The following USP32 variants were observed in gnomAD, a reference collection of about 807,000 sequenced individuals.
USP32 encodes the protein ubiquitin specific peptidase 32, also known as ubiquitin carboxyl-terminal hydrolase 32.
In USP32, 59 loss-of-function variants were observed where a neutral mutation model predicts 204.8. That is an observed-to-expected ratio of 0.29 (90% CI 0.23 to 0.36). USP32 has a LOEUF of 0.36. USP32 is among the 10% of genes least tolerant of loss of function. The probability of loss-of-function intolerance (pLI) is 1.00; values close to 1 mark genes in which losing one functional copy is unlikely to be tolerated. For synonymous variants in USP32, 517 were observed against 678.4 expected (o/e 0.76, Z 3.70); for missense variants, 1,160 against 1,946.4 (o/e 0.60, Z 7.60).
chr17:60,361,832 G>A (rs2089213346), intron 1 of USP32, among the ~76,000 whole-genome samples: 1 of 152,066 alleles, frequency 6.6e-6, no homozygotes, highest in Non-Finnish European at 1.5e-5. Flanking sequence ...GTAATTCAAA[G>A]TAGAAAACAG....
At chr17:60,296,234 C>T (rs1297182773) in intron 3 of USP32, among the ~76,000 whole-genome samples, 1 of 152,108 alleles carries the variant, frequency 6.6e-6, no homozygotes, top group Non-Finnish European at 1.5e-5. Context: ...CTTTATCCCC[C>T]TAAAGATATA....
At chr17:60,234,623 G>A (rs1315507850) in intron 12 of USP32, among the ~76,000 whole-genome samples, 3 of 151,522 alleles carry the variant, frequency 2.0e-5, no homozygotes, top group Non-Finnish European at 4.4e-5. Flanking sequence ...CCAGCTACTC[G>A]GGAGGCTGAG....
At chr17:60,344,427 CAT>C (rs2088735840) in intron 2 of USP32, among the ~76,000 whole-genome samples, 1 of 152,032 alleles carries the variant, frequency 6.6e-6, no homozygotes, top group African/African-American at 2.4e-5. Flanking sequence ...CTTGCCCAGC[CAT>C]AGTTTTTATT....
chr17:60,249,928 G>T (rs2086125190), intron 11 of USP32, among the ~76,000 whole-genome samples: 1 of 143,504 alleles, frequency 7.0e-6, no homozygotes, highest in Non-Finnish European at 1.6e-5. Context: ...GAACCAACCT[G>T]AATCATCCTT....
intron 1 of USP32, among the ~76,000 whole-genome samples, chr17:60,384,402 T>G (rs1159231864): frequency 6.6e-6 from 1 of 152,164 alleles, no homozygotes; most frequent in Non-Finnish European, 1.5e-5. Context: ...TAGTTTTGCT[T>G]TTAATGCGGT....
chr17:60,270,030 T>C (rs535922235), intron 6 of USP32, among the ~76,000 whole-genome samples: 1 of 152,208 alleles, frequency 6.6e-6, no homozygotes, highest in Non-Finnish European at 1.5e-5. Flanking sequence ...CAAAGGAAGA[T>C]ACACTATGCA....
chr17:60,385,838 C>CA (rs113759758), intron 1 of USP32, among the ~76,000 whole-genome samples: 214 of 99,168 alleles, frequency 2.2e-3, no homozygotes, highest in South Asian at 3.7e-3. Context: ...GACTCTGTCT[C>CA]AAAAAAAAAA....
chr17:60,280,662 C>T (rs965409207), intron 5 of USP32, among the ~76,000 whole-genome samples: 4 of 152,202 alleles, frequency 2.6e-5, no homozygotes, highest in Admixed American at 2.0e-4. Flanking sequence ...AATGGAGTCA[C>T]TGATGCTTTA....
chr17:60,251,589 T>C (rs1358009959), intron 11 of USP32, among the ~76,000 whole-genome samples: 1 of 152,018 alleles, frequency 6.6e-6, no homozygotes, highest in African/African-American at 2.4e-5. Context: ...TTTCTGAAAC[T>C]ATCTACACAA....
At chr17:60,379,536 A>G (rs558762526) in intron 1 of USP32, among the ~76,000 whole-genome samples, 3 of 152,270 alleles carry the variant, frequency 2.0e-5, no homozygotes, top group African/African-American at 7.2e-5. Flanking sequence ...AAATTCTCAA[A>G]CTGACACAAA....
chr17:60,215,966 C>G (rs1461291824), intron 16 of USP32, among the ~76,000 whole-genome samples: 1 of 152,076 alleles, frequency 6.6e-6, no homozygotes, highest in African/African-American at 2.4e-5. Context: ...CCCCAAAGTT[C>G]TGGGATTACA....
At chr17:60,402,819 G>C (rs1015477913) in intron 1 of USP32, among the ~76,000 whole-genome samples, 1 of 152,166 alleles carries the variant, frequency 6.6e-6, no homozygotes, top group Non-Finnish European at 1.5e-5. Context: ...CTAGGGACTG[G>C]AATCCTCTGA....
At chr17:60,378,343 G>A (rs990755413) in intron 1 of USP32, among the ~76,000 whole-genome samples, 1 of 152,152 alleles carries the variant, frequency 6.6e-6, no homozygotes, top group Non-Finnish European at 1.5e-5. Context: ...GTGCATTGCT[G>A]GTGGAAATAT....
At chr17:60,400,217 G>A (rs984026549) in intron 1 of USP32, among the ~76,000 whole-genome samples, 3 of 152,048 alleles carry the variant, frequency 2.0e-5, no homozygotes, top group East Asian at 1.9e-4. Flanking sequence ...CACCTGCCTC[G>A]GCCTCCAGAA....
At chr17:60,203,709 T>C (rs1214625712) in intron 26 of USP32, among the ~76,000 whole-genome samples, 1 of 152,108 alleles carries the variant, frequency 6.6e-6, no homozygotes, top group Non-Finnish European at 1.5e-5. Context: ...CCTGAGTAGC[T>C]AGGACTACCG....
At position 60,214,636 on chromosome 17, in the gene USP32, C is replaced by T; in HGVS notation, c.2006G>A (p.Trp669Ter). Residue 669 changes from tryptophan (W) to a stop codon, truncating the protein, a stop_gained, in exon 17 of 34, where the codon TGG (tryptophan) becomes TAG (stop). Transcript: ENST00000300896. LOFTEE classifies it high-confidence loss of function. ...GCCTCTTACCTCACTGTTGTATAGC[C>T]ACAGGCGCATATCTTCCTCTTTAAT... is the stretch of plus-strand genomic sequence containing the variant. Reference protein sequence around the residue: ...LRIKEEDMRLWLYNSENYLTL... With the variant: ...LRIKEEDMRL 1 of 1,613,490 alleles carries T rather than the reference C, an allele frequency of 6.2e-7. No individual in the cohort carries two copies. Among genetic ancestry groups the T allele is most frequent in the Non-Finnish European group, 8.5e-7 (1 of 1,179,572 alleles).
intron 1 of USP32, among the ~76,000 whole-genome samples, chr17:60,411,283 G>A (rs1007391263): frequency 2.6e-5 from 4 of 151,272 alleles, no homozygotes; most frequent in East Asian, 2.0e-4. Flanking sequence ...GAGATTGCCC[G>A]ATTGCACTCC....
intron 5 of USP32, among the ~76,000 whole-genome samples, chr17:60,277,968 G>T (rs1219196167): frequency 1.4e-5 from 2 of 146,054 alleles, no homozygotes; most frequent in Non-Finnish European, 3.0e-5. Flanking sequence ...TCACCCAGGA[G>T]TGATCATAGC....
chr17:60,230,972 G>T (rs1204914386), intron 12 of USP32, among the ~76,000 whole-genome samples: 2 of 152,126 alleles, frequency 1.3e-5, no homozygotes, highest in Non-Finnish European at 2.9e-5. Context: ...GACTTCAGGG[G>T]TCTGGAACTA....
Sources: allele counts gnomAD v4.1 joint callset (sites outside exome capture counted in the v4.1 genomes callset), GRCh38; gene constraint gnomAD v4.1.1; transcripts MANE v1.5; gene names NCBI Gene and HGNC (gene_info 2026-07-23, HGNC 2026-07-21).